Variants in STXBP6 observed in about 807,000 individuals in gnomAD.
The protein encoded by STXBP6 is syntaxin-binding protein 6.
A neutral mutation model predicts 26.9 loss-of-function variants in STXBP6; 21 were observed. The ratio of observed to expected loss-of-function variants is 0.78; its 90% CI spans 0.55 to 1.12. The LOEUF (loss-of-function observed/expected upper bound fraction) is 1.12. STXBP6 is among the 50% of genes most tolerant of loss of function. The probability of loss-of-function intolerance (pLI) is 0.00; values close to 1 mark genes in which losing one functional copy is unlikely to be tolerated. For missense variants in STXBP6, 232 were observed against 257.9 expected, an observed-to-expected ratio of 0.90 and a Z score of 0.69; for synonymous variants, 97 against 92.6, an observed-to-expected ratio of 1.05 and a Z score of -0.27.
intron 1 of STXBP6, among the ~76,000 whole-genome samples, chr14:25,017,501 A>C (rs2075174858): frequency 6.6e-6 from 1 of 152,226 alleles, no homozygotes; most frequent in Admixed American, 6.5e-5. Flanking sequence ...GGTTGATCCA[A>C]AGGGCAGGGA....
intron 2 of STXBP6, among the ~76,000 whole-genome samples, chr14:24,933,579 T>A (rs2072498793): frequency 6.6e-6 from 1 of 152,176 alleles, no homozygotes; most frequent in Admixed American, 6.5e-5. Context: ...TTGTAATTTT[T>A]AAAAATGTAT....
intron 2 of STXBP6, among the ~76,000 whole-genome samples, chr14:24,915,114 T>C (rs1416902973): frequency 6.6e-6 from 1 of 152,178 alleles, no homozygotes; most frequent in Non-Finnish European, 1.5e-5. Context: ...GCATTTCATG[T>C]CATTACTGTC....
chr14:24,828,840 C>T (rs1471012572), intron 4 of STXBP6, among the ~76,000 whole-genome samples: 8 of 152,188 alleles, frequency 5.3e-5, no homozygotes, highest in South Asian at 4.2e-4. Context: ...TATACAAGAG[C>T]GATGCACAAG....
At chr14:24,956,784 C>A (rs1489725199) in intron 2 of STXBP6, among the ~76,000 whole-genome samples, 1 of 152,126 alleles carries the variant, frequency 6.6e-6, no homozygotes, top group Non-Finnish European at 1.5e-5. Context: ...ACCAAAAACC[C>A]AAACTTCACT....
intron 4 of STXBP6, among the ~76,000 whole-genome samples, chr14:24,828,742 G>C (rs2068363601): frequency 6.6e-6 from 1 of 152,178 alleles, no homozygotes; most frequent in African/African-American, 2.4e-5. Context: ...AGATCAGATT[G>C]CATCTCCCAG....
At chr14:24,843,902 A>G (rs939062759) in intron 4 of STXBP6, among the ~76,000 whole-genome samples, 3 of 152,134 alleles carry the variant, frequency 2.0e-5, no homozygotes, top group African/African-American at 7.2e-5. Flanking sequence ...GTTATTTGTA[A>G]TAAGCCCCCT....
chr14:24,887,359 T>C (rs1277597906), intron 2 of STXBP6, among the ~76,000 whole-genome samples: 1 of 152,180 alleles, frequency 6.6e-6, no homozygotes, highest in Non-Finnish European at 1.5e-5. Context: ...TTCCCAACTA[T>C]TAATTTTTCC....
intron 1 of STXBP6, among the ~76,000 whole-genome samples, chr14:24,991,636 C>G (rs960297139): frequency 6.6e-6 from 1 of 152,144 alleles, no homozygotes. Context: ...TGACTTTTGT[C>G]TTTTACATAA....
chr14:24,947,782 T>C (rs1042522065), intron 2 of STXBP6, among the ~76,000 whole-genome samples: 3 of 152,200 alleles, frequency 2.0e-5, no homozygotes, highest in Admixed American at 6.5e-5. Context: ...CAGAATGACA[T>C]TATCACATCC....
chr14:25,015,323 C>T lies in STXBP6; in HGVS notation c.-33+34555G>A, dbSNP rs1355952447. On this transcript the variant is annotated intron_variant, in intron 1 of 5. Transcript: ENST00000323944. ...AGCTGGAGACAGAGATATCTGGGACCTAATGAAGGGGCCTCTTGTGCACTC... is the reference window on the plus strand; with the variant it reads ...AGCTGGAGACAGAGATATCTGGGACTTAATGAAGGGGCCTCTTGTGCACTC... Among the ~76,000 whole-genome samples, 3 of 152,088 alleles carry T rather than the reference C, an allele frequency of 2.0e-5. No individual in the cohort carries two copies. The South Asian group carries it at 6.2e-4, about 32-fold the overall frequency.
At chr14:24,948,356 C>CCTCT (rs56060482) in intron 2 of STXBP6, among the ~76,000 whole-genome samples, 115,445 of 151,376 alleles carry the variant, frequency 0.76, 44,359 homozygotes, top group African/African-American at 0.84. Flanking sequence ...TTTTCACCTG[C>CCTCT]CTAAGTGCAG....
intron 2 of STXBP6, among the ~76,000 whole-genome samples, chr14:24,960,810 T>C (rs4316674): frequency 6.6e-6 from 1 of 152,236 alleles, no homozygotes; most frequent in South Asian, 2.1e-4. Flanking sequence ...TGTTCTTGCA[T>C]ACAGATAGGA....
chr14:24,857,771 G>A (rs1481394628), intron 2 of STXBP6, among the ~76,000 whole-genome samples: 1 of 151,832 alleles, frequency 6.6e-6, no homozygotes, highest in Admixed American at 6.6e-5. Context: ...CTCCACACCT[G>A]TAGGAAAAGG....
intron 2 of STXBP6, among the ~76,000 whole-genome samples, chr14:24,910,051 C>G (rs1295037201): frequency 6.6e-6 from 1 of 151,892 alleles, no homozygotes; most frequent in Non-Finnish European, 1.5e-5. Context: ...CTGATCACAC[C>G]TCCTACCACT....
At chr14:25,027,420 A>G (rs540039447) in intron 1 of STXBP6, among the ~76,000 whole-genome samples, 1 of 152,310 alleles carries the variant, frequency 6.6e-6, no homozygotes, top group South Asian at 2.1e-4. Context: ...ATGCCCAAAA[A>G]TGACAGTGAA....
chr14:25,000,310 G>A (rs1007246483), intron 1 of STXBP6, among the ~76,000 whole-genome samples: 2 of 151,388 alleles, frequency 1.3e-5, no homozygotes, highest in Admixed American at 6.6e-5. Context: ...TGATACGCCC[G>A]CCTCGGCCTC....
intron 1 of STXBP6, among the ~76,000 whole-genome samples, chr14:25,013,738 CAA>C (rs1246293987): frequency 1.8e-4 from 16 of 87,144 alleles, no homozygotes; most frequent in Admixed American, 1.3e-4. Context: ...TCCCATTTGA[CAA>C]AAAAAAAAAA....
At chr14:24,901,387 G>C (rs547534755) in intron 2 of STXBP6, among the ~76,000 whole-genome samples, 1 of 152,236 alleles carries the variant, frequency 6.6e-6, no homozygotes, top group East Asian at 1.9e-4. Context: ...TGAAAGCTAG[G>C]ATTTGGAGCA....
At chr14:24,920,856 G>A (rs568252341) in intron 2 of STXBP6, among the ~76,000 whole-genome samples, 16 of 152,154 alleles carry the variant, frequency 1.1e-4, no homozygotes, top group African/African-American at 3.9e-4. Flanking sequence ...ACTATGTTCT[G>A]TTTCACTTGT....
Sources: gnomAD v4.1 joint callset for allele counts (sites outside exome capture counted in the v4.1 genomes callset) on GRCh38, gnomAD v4.1.1 for gene constraint, MANE v1.5 for transcripts, NCBI Gene and HGNC (gene_info 2026-07-23, HGNC 2026-07-21) for gene names.